The following CDH13 variants were observed in gnomAD, a reference collection of about 807,000 sequenced individuals.
The protein encoded by CDH13 is cadherin 13, also known as cadherin-13.
In CDH13, 24 loss-of-function variants were observed where a neutral mutation model predicts 63.8. That is an observed-to-expected ratio of 0.38 (90% CI 0.27 to 0.53). The LOEUF is 0.53. CDH13 is among the 20% of genes least tolerant of loss of function. The pLI, the probability that CDH13 is intolerant of heterozygous loss-of-function variation, is 0.85. For synonymous variants in CDH13, 503 were observed against 355.3 expected (o/e 1.42, Z -4.67); for missense variants, 1,049 against 903.1 (o/e 1.16, Z -2.07).
intron 6 of CDH13, chr16:83,397,311 C>A (rs187259975): frequency 3.9e-4 from 60 of 152,272 alleles, no homozygotes; most frequent in African/African-American, 1.3e-3. Context: ...AGAAGTTCAA[C>A]CCTTCCAGCT....
chr16:83,136,627 C>G (rs1466864098), intron 4 of CDH13, among the ~76,000 whole-genome samples: 5 of 152,168 alleles, frequency 3.3e-5, no homozygotes, highest in African/African-American at 1.2e-4. Flanking sequence ...AAACTGGGCT[C>G]TCATAGCTGT....
chr16:83,085,634 G>T (rs936521129), intron 3 of CDH13, among the ~76,000 whole-genome samples: 1 of 152,214 alleles, frequency 6.6e-6, no homozygotes, highest in Non-Finnish European at 1.5e-5. Context: ...GACACAGCAA[G>T]CATTTGGCTG....
At chr16:83,700,893 T>G (rs1906119212) in intron 10 of CDH13, among the ~76,000 whole-genome samples, 2 of 152,130 alleles carry the variant, frequency 1.3e-5, no homozygotes, top group African/African-American at 4.8e-5. Context: ...TTGTGTTTAT[T>G]TTTTTTAAGA....
chr16:83,306,789 G>A (rs1182027383), intron 5 of CDH13, among the ~76,000 whole-genome samples: 1 of 152,052 alleles, frequency 6.6e-6, no homozygotes, highest in Non-Finnish European at 1.5e-5. Flanking sequence ...CAGAAACTGG[G>A]AACCCACCAA....
At chr16:82,843,495 G>A (rs1038055580) in intron 1 of CDH13, among the ~76,000 whole-genome samples, 2 of 152,112 alleles carry the variant, frequency 1.3e-5, no homozygotes, top group African/African-American at 4.8e-5. Flanking sequence ...AACATAATCA[G>A]TTCCTTGCTT....
At chr16:83,622,288 G>C (rs1409422527) in intron 8 of CDH13, among the ~76,000 whole-genome samples, 1 of 152,094 alleles carries the variant, frequency 6.6e-6, no homozygotes, top group Non-Finnish European at 1.5e-5. Flanking sequence ...GTGAGTCAGA[G>C]CACCTGGTTC....
chr16:82,973,168 C>A (rs1909013922), intron 2 of CDH13, among the ~76,000 whole-genome samples: 2 of 152,230 alleles, frequency 1.3e-5, no homozygotes, highest in Admixed American at 1.3e-4. Context: ...CTTGGGGTTT[C>A]TCTTCCCTTC....
At chr16:82,798,283 G>T (rs1368511856) in intron 1 of CDH13, among the ~76,000 whole-genome samples, 1 of 152,148 alleles carries the variant, frequency 6.6e-6, no homozygotes, top group Non-Finnish European at 1.5e-5. Context: ...CATTTTCGTA[G>T]GAGCCGCACA....
At chr16:82,751,105 T>C (rs1017439640) in intron 1 of CDH13, among the ~76,000 whole-genome samples, 4 of 152,180 alleles carry the variant, frequency 2.6e-5, no homozygotes, top group African/African-American at 7.2e-5. Flanking sequence ...TTTAATCATA[T>C]GTAATCTTCA....
chr16:83,402,016 TC>T (rs1183363172), intron 6 of CDH13, among the ~76,000 whole-genome samples: 1 of 152,188 alleles, frequency 6.6e-6, no homozygotes, highest in Non-Finnish European at 1.5e-5. Flanking sequence ...AAGAAATGTT[TC>T]CTGAGTGTAG....
At chr16:83,258,119 TG>T (rs977076520) in intron 5 of CDH13, among the ~76,000 whole-genome samples, 1 of 152,208 alleles carries the variant, frequency 6.6e-6, no homozygotes, top group Non-Finnish European at 1.5e-5. Flanking sequence ...AGTGGTTATT[TG>T]GGGGCTATTT....
intron 3 of CDH13, among the ~76,000 whole-genome samples, chr16:83,108,041 T>C (rs2034866152): frequency 6.6e-6 from 1 of 152,156 alleles, no homozygotes; most frequent in Non-Finnish European, 1.5e-5. Context: ...CAGGCTGGTC[T>C]TGACTCCCTG....
intron 7 of CDH13, among the ~76,000 whole-genome samples, chr16:83,583,535 A>C (rs1393823928): frequency 6.6e-6 from 1 of 152,232 alleles, no homozygotes; most frequent in Non-Finnish European, 1.5e-5. Context: ...TCAACGATGT[A>C]TAGGGATTAT....
chr16:82,738,698 T>C (rs1012962215), intron 1 of CDH13, among the ~76,000 whole-genome samples: 11 of 152,366 alleles, frequency 7.2e-5, no homozygotes, highest in African/African-American at 2.4e-4. Flanking sequence ...TTTCTCCTTA[T>C]TTAAATCCTG....
Position 83,663,879 on chromosome 16 carries a change from G to A in CDH13, c.1102-6911G>A, listed in dbSNP as rs114962036. Among the ~76,000 whole-genome samples, 509 of 152,214 alleles carry A rather than the reference G, an allele frequency of 3.3e-3. 7 individuals carry two copies. The highest frequency in any genetic ancestry group is 0.012 in the African/African-American group (490 of 41,512). On this transcript the variant is annotated intron_variant, in intron 8 of 13. Transcript: ENST00000567109. ...TTTAATCAGATAAAGAGAGGAGAAG[G>A]CTGGGCACAGTGGCTCATGCCTGTA...
At chr16:83,492,591 A>C (rs1008052942) in intron 7 of CDH13, among the ~76,000 whole-genome samples, 2 of 152,212 alleles carry the variant, frequency 1.3e-5, no homozygotes, top group Non-Finnish European at 2.9e-5. Context: ...TATCCTTTCA[A>C]ATGAAACACA....
At chr16:83,161,628 C>T (rs1326504307) in intron 4 of CDH13, among the ~76,000 whole-genome samples, 3 of 152,146 alleles carry the variant, frequency 2.0e-5, no homozygotes, top group South Asian at 4.1e-4. Context: ...AAACCACCAA[C>T]ATTTCCCTCC....
intron 10 of CDH13, among the ~76,000 whole-genome samples, chr16:83,708,166 G>T (rs551097879): frequency 6.6e-6 from 1 of 152,302 alleles, no homozygotes; most frequent in Admixed American, 6.5e-5. Context: ...AAGCCACCGG[G>T]AGAACCAACA....
chr16:83,058,862 C>G (rs2031225569), intron 3 of CDH13, among the ~76,000 whole-genome samples: 1 of 152,212 alleles, frequency 6.6e-6, no homozygotes, highest in African/African-American at 2.4e-5. Flanking sequence ...TCTTCCAGGA[C>G]TCTAACAAGG....
Sources: allele counts gnomAD v4.1 joint callset (sites outside exome capture counted in the v4.1 genomes callset), GRCh38; gene constraint gnomAD v4.1.1; transcripts MANE v1.5; gene names NCBI Gene and HGNC (gene_info 2026-07-23, HGNC 2026-07-21).